Variants in APBB2 observed in about 807,000 individuals in gnomAD.
The protein encoded by APBB2 is Fe65-like 1.
In APBB2, 38 loss-of-function variants were observed where a neutral mutation model predicts 82.5. The observed-to-expected ratio is 0.46, with a 90% CI of 0.36 to 0.60. APBB2 has a LOEUF of 0.60. Among genes scored for constraint, APBB2 ranks in the 20% least tolerant of loss-of-function variants. The pLI is 0.00. For synonymous variants in APBB2, 341 were observed against 368.2 expected, an observed-to-expected ratio of 0.93 and a Z score of 0.85; for missense variants, 772 against 972.3, an observed-to-expected ratio of 0.79 and a Z score of 2.74.
intron 12 of APBB2, among the ~76,000 whole-genome samples, chr4:40,853,076 G>C (rs1759994586): frequency 6.6e-6 from 1 of 152,066 alleles, no homozygotes; most frequent in African/African-American, 2.4e-5. Flanking sequence ...AAGAAATCAG[G>C]TATGGTCCTA....
rs1019267667 is a variant in APBB2, at chr4:40,813,755, T to G, written c.*2337A>C. The G allele has an allele frequency of 2.0e-5, 3 of 152,166 alleles. No individual in the cohort carries two copies. Among genetic ancestry groups the G allele is most frequent in the Non-Finnish European group, 4.4e-5 (3 of 68,038 alleles). The allele number at this position is 152,166 out of a possible 1,614,324, so 9.4% of individuals were successfully genotyped here. On this transcript the variant is annotated 3_prime_UTR_variant, in exon 18 of 18. Transcript: ENST00000508593. Reference sequence around the variant, plus strand: ...ATGAAGAGGGAGTTCTGGTAGAGATTTCCAATATAAAAGTGGGTAATTTGT... The same window carrying G: ...ATGAAGAGGGAGTTCTGGTAGAGATGTCCAATATAAAAGTGGGTAATTTGT...
At chr4:41,210,645 T>C (rs989185532) in intron 1 of APBB2, among the ~76,000 whole-genome samples, 1 of 152,206 alleles carries the variant, frequency 6.6e-6, no homozygotes, top group South Asian at 2.1e-4. Flanking sequence ...TGAAAATAAA[T>C]GAACACAAAA....
chr4:40,933,554 G>A (rs532138020), intron 10 of APBB2, among the ~76,000 whole-genome samples: 7 of 152,238 alleles, frequency 4.6e-5, no homozygotes, highest in African/African-American at 1.2e-4. Flanking sequence ...TCACCACCAC[G>A]CTCCAATCCC....
chr4:40,982,404 A>G lies in APBB2; in HGVS notation c.835+31179T>C, dbSNP rs866793495. ...GAAGGAAGGAAGGAAAGGAAAGGAA[A>G]GAAAGAAAGAAAGAAAGAAAGAAAG... On this transcript the variant is annotated intron_variant, in intron 6 of 17. Transcript: ENST00000508593. Among the ~76,000 whole-genome samples the G allele has an allele frequency of 6.7e-4, 54 of 80,520 alleles. No homozygotes were observed. In the East Asian group the frequency reaches 7.5e-3, roughly 11 times the overall value. 52.8% of individuals were successfully genotyped at this position (80,520 alleles called of 152,430 possible). A position where few individuals can be genotyped will look rare whatever the true frequency, so the allele number is the denominator to read the frequency against.
intron 1 of APBB2, among the ~76,000 whole-genome samples, chr4:41,167,261 T>C (rs989800621): frequency 1.3e-5 from 2 of 152,196 alleles, no homozygotes; most frequent in Non-Finnish European, 1.5e-5. Flanking sequence ...CAAATCTCAC[T>C]GTCTACTATG....
intron 1 of APBB2, among the ~76,000 whole-genome samples, chr4:41,174,425 C>G (rs76503457): frequency 6.6e-6 from 1 of 152,124 alleles, no homozygotes; most frequent in African/African-American, 2.4e-5. Flanking sequence ...CCAAATTAAC[C>G]GGCGCATCCT....
At chr4:40,845,177 G>A (rs926394884) in intron 12 of APBB2, among the ~76,000 whole-genome samples, 2 of 152,160 alleles carry the variant, frequency 1.3e-5, no homozygotes, top group African/African-American at 2.4e-5. Flanking sequence ...CCATAAATAA[G>A]ACACCGCAGA....
At chr4:41,014,536 T>A (rs1461722642) in intron 5 of APBB2, 138 bp from the exon 6 acceptor site, 1 of 840,876 alleles carries the variant, frequency 1.2e-6, no homozygotes, top group African/African-American at 1.7e-5. Context: ...GGACCCATTT[T>A]CCTCTTTATT....
At chr4:41,067,961 G>C (rs1321510768) in intron 3 of APBB2, among the ~76,000 whole-genome samples, 1 of 152,180 alleles carries the variant, frequency 6.6e-6, no homozygotes, top group Non-Finnish European at 1.5e-5. Context: ...TAAGGGGGAA[G>C]AGGTAAAGAT....
chr4:40,903,532 C>T (rs1241297259), intron 10 of APBB2, among the ~76,000 whole-genome samples: 2 of 152,146 alleles, frequency 1.3e-5, no homozygotes, highest in African/African-American at 4.8e-5. Flanking sequence ...TTGATATTAC[C>T]CTTGATGCAC....
At chr4:41,153,807 A>G (rs147768005) in intron 1 of APBB2, among the ~76,000 whole-genome samples, 2 of 152,304 alleles carry the variant, frequency 1.3e-5, no homozygotes, top group East Asian at 1.9e-4. Flanking sequence ...AGTGAAACAA[A>G]ATTATCTGTC....
chr4:41,105,367 T>A (rs560431214), intron 2 of APBB2, among the ~76,000 whole-genome samples: 17 of 152,120 alleles, frequency 1.1e-4, no homozygotes, highest in Non-Finnish European at 2.1e-4. Context: ...TTTTAGCAAA[T>A]AGAAAAGGCA....
chr4:41,142,258 T>C (rs73810841), intron 2 of APBB2, among the ~76,000 whole-genome samples: 8,719 of 152,242 alleles, frequency 0.057, 545 homozygotes, highest in African/African-American at 0.15. Flanking sequence ...TGTCCCTGTA[T>C]AATATATGTT....
chr4:40,891,906 A>G (rs1772132857), intron 11 of APBB2, among the ~76,000 whole-genome samples: 1 of 152,084 alleles, frequency 6.6e-6, no homozygotes, highest in Admixed American at 6.6e-5. Context: ...AGGAGAGAGA[A>G]GACAGGTGGA....
chr4:41,001,140 C>T (rs1275395907), intron 6 of APBB2, among the ~76,000 whole-genome samples: 6 of 152,204 alleles, frequency 3.9e-5, no homozygotes, highest in Non-Finnish European at 8.8e-5. Context: ...TTCCCATCAG[C>T]CCCTTCCCAA....
intron 1 of APBB2, among the ~76,000 whole-genome samples, chr4:41,153,231 G>A (rs1232085284): frequency 2.0e-5 from 3 of 152,178 alleles, no homozygotes; most frequent in Non-Finnish European, 4.4e-5. Flanking sequence ...ACTACTTGAA[G>A]TGAGAGATTT....
intron 12 of APBB2, chr4:40,880,121 C>T (rs574945475): frequency 8.1e-6 from 8 of 985,364 alleles, no homozygotes; most frequent in East Asian, 1.1e-4. Flanking sequence ...ATCTCCAGTG[C>T]GGATGGAGAC....
At chr4:40,839,362 A>C (rs1006077300) in intron 12 of APBB2, among the ~76,000 whole-genome samples, 1 of 152,052 alleles carries the variant, frequency 6.6e-6, no homozygotes, top group Non-Finnish European at 1.5e-5. Flanking sequence ...GCTGCACCAG[A>C]GCCCATGTAA....
chr4:40,995,382 G>C (rs1803351050), intron 6 of APBB2, among the ~76,000 whole-genome samples: 1 of 151,970 alleles, frequency 6.6e-6, no homozygotes, highest in South Asian at 2.1e-4. Context: ...GTCAGAAATG[G>C]ATCTTTTTTT....
Sources: allele counts gnomAD v4.1 joint callset (sites outside exome capture counted in the v4.1 genomes callset), GRCh38; gene constraint gnomAD v4.1.1; transcripts MANE v1.5; gene names NCBI Gene and HGNC (gene_info 2026-07-23, HGNC 2026-07-21).